The following GIMAP2 variants were observed in gnomAD, a reference collection of about 807,000 sequenced individuals.
The protein encoded by GIMAP2 is GTPase, IMAP family member 2, also known as GTPase IMAP family member 2.
In GIMAP2, 22 loss-of-function variants were observed where a neutral mutation model predicts 25.5. The ratio of observed to expected loss-of-function variants is 0.86; its 90% CI spans 0.62 to 1.23. The LOEUF (loss-of-function observed/expected upper bound fraction) is 1.23, where lower values mean the gene tolerates loss of function less well. GIMAP2 is among the 50% of genes most tolerant of loss of function. The pLI is 0.00. For missense variants in GIMAP2, 422 were observed against 395.7 expected (o/e 1.07, Z -0.56); for synonymous variants, 167 against 143.0 (o/e 1.17, Z -1.20).
At position 150,692,538 on chromosome 7, in the gene GIMAP2, G is replaced by C; in HGVS notation, c.252G>C (p.Trp84Cys). 1 of 1,614,184 alleles carries C rather than the reference G, an allele frequency of 6.2e-7. No homozygotes were observed. The highest frequency in any genetic ancestry group is 1.7e-5 in the Admixed American group (1 of 60,028). Residue 84 changes from tryptophan to cysteine, a missense_variant, in exon 3 of 3, where the codon TGG becomes TGC. Physicochemically the swap from Trp to Cys is radical, Grantham distance 215. Transcript: ENST00000223293. ...TTGACACACCAGATATGTTTTCTTG[G>C]AAGGACCACTGTGAAGCTCTGTACA... The part of the protein sequence containing the change: ...VIIDTPDMFS[W>C]KDHCEALYKE...
rs200095405 is a variant in GIMAP2, at chr7:150,692,346, A to G, written c.60A>G (p.Arg20=). Reference sequence around the variant, plus strand: ...ATGCAAAGGGCCAATGTGCCAGCAGATCTGAGCTGAGAATCATCCTGGTGG... The same window carrying G: ...ATGCAAAGGGCCAATGTGCCAGCAGGTCTGAGCTGAGAATCATCCTGGTGG... ...GPHAKGQCAS[R]SELRIILVGK... Residue 20 remains arginine (R), a synonymous_variant, in exon 3 of 3, where the codon AGA becomes AGG. Transcript: ENST00000223293. 1 of 1,614,148 alleles carries G rather than the reference A, an allele frequency of 6.2e-7. No individual in the cohort carries two copies. The highest frequency in any genetic ancestry group is 1.3e-5 in the African/African-American group (1 of 75,068).
rs1796988798 is a variant in GIMAP2 at position 150,693,124 on chromosome 7, T to C, written c.838T>C (p.Phe280Leu). Reference sequence around the variant, plus strand: ...GTGTGTTTTATTTTGTATTCAGTTGTTTCTCAGATTGATAATTCTGTGGCT... The same window carrying C: ...GTGTGTTTTATTTTGTATTCAGTTGCTTCTCAGATTGATAATTCTGTGGCT... ...QLCVLFCIQL[F>L]LRLIILWLCI... The change falls in exon 3 of 3, where the codon TTT becomes CTT. Residue 280 changes from phenylalanine (F) to leucine (L), a missense_variant. Physicochemically the swap from Phe to Leu is conservative, Grantham distance 22. Coordinates refer to ENST00000223293, the MANE Select transcript of GIMAP2 (RefSeq NM_015660.3). 3.1e-6 allele frequency: 5 copies of C among 1,613,798 alleles called. No individual in the cohort carries two copies. The highest frequency in any genetic ancestry group is 4.2e-6 in the Non-Finnish European group (5 of 1,179,690).
Position 150,689,509 on chromosome 7 carries a change from G to A in GIMAP2, c.28+2422G>A, listed in dbSNP as rs74713763. On this transcript the variant is annotated intron_variant, in intron 2 of 2. Coordinates refer to ENST00000223293, the MANE Select transcript of GIMAP2 (RefSeq NM_015660.3). ...CATAGGCGAGAGGAAGGTTAAACGTGCAATTTGGCTGCCTCTAAGCAAGCT... is the reference window on the plus strand; with the variant it reads ...CATAGGCGAGAGGAAGGTTAAACGTACAATTTGGCTGCCTCTAAGCAAGCT... 3,238 of 703,082 alleles carry A rather than the reference G, an allele frequency of 4.6e-3. 79 individuals are homozygous for A. In the African/African-American group the frequency reaches 0.051, roughly 11 times the overall value. 43.6% of individuals were successfully genotyped at this position (703,082 alleles called of 1,614,324 possible).
chr7:150,689,057 T>C (rs945151097), intron 2 of GIMAP2, among the ~76,000 whole-genome samples: 7 of 152,204 alleles, frequency 4.6e-5, no homozygotes, highest in African/African-American at 1.4e-4. Context: ...CCCTAAGCCA[T>C]TGCTGCTTAC....
intron 1 of GIMAP2, 92 bp from the exon 2 acceptor site, chr7:150,686,960 A>AAAAAG (rs1554513770): frequency 0.045 from 19,901 of 445,860 alleles, 537 homozygotes; most frequent in African/African-American, 0.11. Flanking sequence ...AAAAAAAAAA[A>AAAAAG]AAAGAAAGAA....
chr7:150,692,542 G>T lies in GIMAP2; in HGVS notation c.256G>T (p.Asp86Tyr). Residue 86 changes from aspartate to tyrosine, a missense_variant, in exon 3 of 3, where the codon GAC (aspartate) becomes TAC (tyrosine). Coordinates refer to ENST00000223293, the MANE Select transcript of GIMAP2 (RefSeq NM_015660.3). ...CACACCAGATATGTTTTCTTGGAAG[G>T]ACCACTGTGAAGCTCTGTACAAAGA... is the stretch of plus-strand genomic sequence containing the variant. The part of the protein sequence containing the change: ...IDTPDMFSWK[D>Y]HCEALYKEVQ... 6.2e-7 allele frequency: 1 copy of T among 1,614,152 alleles called. No homozygotes were observed. Among genetic ancestry groups the T allele is most frequent in the Non-Finnish European group, 8.5e-7 (1 of 1,180,010 alleles).
At chr7:150,690,652 A>G (rs1287642041) in intron 2 of GIMAP2, among the ~76,000 whole-genome samples, 1 of 152,196 alleles carries the variant, frequency 6.6e-6, no homozygotes, top group Non-Finnish European at 1.5e-5. Context: ...GGTTGCTATA[A>G]ACAATCCTAG....
chr7:150,691,080 G>A (rs1796961182), intron 2 of GIMAP2, among the ~76,000 whole-genome samples: 1 of 152,188 alleles, frequency 6.6e-6, no homozygotes, highest in Non-Finnish European at 1.5e-5. Context: ...AGATTCTCCT[G>A]TTATCATGGT....
chr7:150,687,107 TGTGTG>T lies in GIMAP2; in HGVS notation c.28+21_28+25del, dbSNP rs758066599. Reference sequence around the variant, plus strand: ...ACTGGGGTAAGAAGGTGACTTCACGTGTGTGTGTGTGTGTGTGTGTGTGTGTGTGT... The same window carrying T: ...ACTGGGGTAAGAAGGTGACTTCACGTTGTGTGTGTGTGTGTGTGTGTGTGT... On this transcript the variant is annotated intron_variant, in intron 2 of 2. Transcript: ENST00000223293. 2.2e-5 allele frequency: 1 copy of T among 44,804 alleles called. No homozygotes were observed. The highest frequency in any genetic ancestry group is 3.8e-5 in the Non-Finnish European group (1 of 26,164). 2.8% of individuals were successfully genotyped at this position (44,804 alleles called of 1,614,324 possible).
chr7:150,689,838 T>C, intron 2 of GIMAP2: 1 of 360,780 alleles, frequency 2.8e-6, no homozygotes, highest in Non-Finnish European at 5.0e-6. Flanking sequence ...TGGTTACTTT[T>C]AATGGGCTCT....
intron 2 of GIMAP2, among the ~76,000 whole-genome samples, chr7:150,688,834 G>A (rs903479873): frequency 6.6e-5 from 10 of 152,264 alleles, no homozygotes; most frequent in South Asian, 4.1e-4. Context: ...CTGTGGAGTC[G>A]CCACAGGGCT....
intron 1 of GIMAP2, 53 bp downstream of exon 1, chr7:150,685,838 C>A: frequency 3.6e-6 from 2 of 553,496 alleles, no homozygotes; most frequent in Non-Finnish European, 4.6e-6. Context: ...GGTCCCAAGC[C>A]ATGCACAAAC....
chr7:150,690,907 T>C (rs892916900), intron 2 of GIMAP2, among the ~76,000 whole-genome samples: 3 of 152,220 alleles, frequency 2.0e-5, no homozygotes, highest in African/African-American at 7.2e-5. Context: ...GCTCATTTTC[T>C]TTGTACAGTC....
chr7:150,692,069 A>AC (rs1796971016), intron 2 of GIMAP2, among the ~76,000 whole-genome samples: 1 of 151,436 alleles, frequency 6.6e-6, no homozygotes, highest in Non-Finnish European at 1.5e-5. Context: ...TACCAAAAAA[A>AC]AAAAAAATTA....
In GIMAP2 at chr7:150,692,639, A is replaced by G. The variant is rs1334018315; in HGVS notation, c.353A>G (p.Tyr118Cys). The G allele has an allele frequency of 6.2e-7, 1 of 1,614,180 alleles. No homozygotes were observed. Among genetic ancestry groups the G allele is most frequent in the Non-Finnish European group, 8.5e-7 (1 of 1,180,028 alleles). Reference protein sequence around the residue: ...VLLLVTQLGRYTSQDQQAAQR... With the variant: ...VLLLVTQLGRCTSQDQQAAQR... ...CTCCTGGTGACTCAGCTGGGCCGCT[A>G]TACCTCACAGGACCAGCAGGCTGCA... Residue 118 changes from tyrosine to cysteine, a missense_variant, in exon 3 of 3, where the codon TAT becomes TGT. Transcript: ENST00000223293.
Position 150,692,354 on chromosome 7 carries a change from T to C in GIMAP2, c.68T>C (p.Leu23Pro). ...GGCCAATGTGCCAGCAGATCTGAGC[T>C]GAGAATCATCCTGGTGGGCAAAACA... ...AKGQCASRSE[L>P]RIILVGKTGT... is the part of the protein sequence containing the mutation. The change falls in exon 3 of 3, where the codon CTG becomes CCG. Residue 23 changes from leucine to proline, a missense_variant. Physicochemically the swap from Leu to Pro is moderately conservative, Grantham distance 98. Coordinates refer to ENST00000223293, the MANE Select transcript of GIMAP2 (RefSeq NM_015660.3). 1 of 1,614,144 alleles carries C rather than the reference T, an allele frequency of 6.2e-7. No individual in the cohort carries two copies. Among genetic ancestry groups the C allele is most frequent in the Non-Finnish European group, 8.5e-7 (1 of 1,179,994 alleles).
Position 150,687,079 on chromosome 7 carries a change from G to C in GIMAP2, c.20G>C (p.Ser7Thr), listed in dbSNP as rs563147928. ...ACACCAATGGACCAAAATGAACACA[G>C]TCACTGGGGTAAGAAGGTGACTTCA... is the stretch of plus-strand genomic sequence containing the variant. MDQNEH[S>T]HWGPHAKGQC... is the part of the protein sequence containing the mutation. The change falls in exon 2 of 3, where the codon AGT becomes ACT. Residue 7 changes from serine to threonine, a missense_variant. By Grantham distance (58) the Ser-to-Thr change is moderately conservative. Transcript: ENST00000223293. 6.2e-7 allele frequency: 1 copy of C among 1,606,872 alleles called. No homozygotes were observed. Among genetic ancestry groups the C allele is most frequent in the African/African-American group, 1.4e-5 (1 of 74,068 alleles).
intron 2 of GIMAP2, among the ~76,000 whole-genome samples, chr7:150,688,783 C>G (rs941275665): frequency 6.6e-6 from 1 of 152,162 alleles, no homozygotes; most frequent in Admixed American, 6.5e-5. Flanking sequence ...ACCGCCATCC[C>G]ATGCCCCATT....
Position 150,693,182 on chromosome 7 carries a change from G to C in GIMAP2, c.896G>C (p.Cys299Ser), listed in dbSNP as rs144296900. 1.2e-4 allele frequency: 187 copies of C among 1,613,144 alleles called. No individual in the cohort carries two copies. In the African/African-American group the frequency reaches 1.8e-3, roughly 16 times the overall value. ...CILHSMCNLF[C>S]CLLFSMCNLF... ...CTGCACAGCATGTGCAATTTGTTTT[G>C]TTGCTTACTCTTTAGTATGTGCAAT... The change falls in exon 3 of 3, where the codon TGT becomes TCT. Residue 299 changes from cysteine to serine, a missense_variant. Cys to Ser is a moderately radical substitution (Grantham distance 112). Coordinates refer to ENST00000223293, the MANE Select transcript of GIMAP2 (RefSeq NM_015660.3).
Sources: allele counts gnomAD v4.1 joint callset (sites outside exome capture counted in the v4.1 genomes callset), GRCh38; gene constraint gnomAD v4.1.1; transcripts MANE v1.5; gene names NCBI Gene and HGNC (gene_info 2026-07-23, HGNC 2026-07-21).